MKRN2OS: variants seen among roughly 807,000 people sequenced by gnomAD.
MKRN2OS encodes MKRN2 opposite strand, also known as MKRN2 opposite strand protein.
In MKRN2OS, 17 loss-of-function variants were observed where a neutral mutation model predicts 18.2. That is an observed-to-expected ratio of 0.93 (90% CI 0.64 to 1.40). The LOEUF is 1.40. Ranked by LOEUF, MKRN2OS falls within the 40% of genes most tolerant of loss-of-function variation. The pLI, the probability that MKRN2OS is intolerant of heterozygous loss-of-function variation, is 0.00. For synonymous variants in MKRN2OS, 121 were observed against 108.5 expected, an observed-to-expected ratio of 1.12 and a Z score of -0.72; for missense variants, 337 against 283.0, an observed-to-expected ratio of 1.19 and a Z score of -1.37.
chr3:12,554,507 A>AAT lies in MKRN2OS; in HGVS notation n.265-375_265-374dup, dbSNP rs1373149360. ...ATATGAAATATATATGAAATATAAA[A>AAT]ATATATATATATATTGCCCATGACA... On this transcript the variant is annotated intron_variant and non_coding_transcript_variant, in intron 1 of 1. Transcript: ENST00000447550. Among the ~76,000 whole-genome samples the AAT allele has an allele frequency of 4.1e-3, 617 of 149,850 alleles. 3 individuals carry two copies. The highest frequency in any genetic ancestry group is 7.1e-3 in the Middle Eastern group (2 of 280).
exon 2 of MKRN2OS, chr3:12,553,848 C>T (rs2125295236): frequency 6.6e-6 from 1 of 152,228 alleles, no homozygotes; most frequent in South Asian, 2.1e-4. Context: ...TACAAAGATC[C>T]AGTGTATTTC....
At chr3:12,550,118 C>T (rs527795879), upstream of MKRN2OS, among the ~76,000 whole-genome samples, 2 of 152,266 alleles carry the variant, frequency 1.3e-5, no homozygotes, top group South Asian at 2.1e-4. Flanking sequence ...TGAAAACCTA[C>T]GTCCACACAA....
At chr3:12,556,403 TGCTAGGTAGAAGG>T (rs2057971405) in intron 1 of MKRN2OS, among the ~76,000 whole-genome samples, 1 of 151,340 alleles carries the variant, frequency 6.6e-6, no homozygotes, top group Admixed American at 6.6e-5. Context: ...TATCGCATGG[TGCTAGGTAGAAGG>T]GACGGTGGAA....
downstream of MKRN2OS, among the ~76,000 whole-genome samples, chr3:12,553,607 A>G (rs1268059854): frequency 1.1e-4 from 16 of 152,100 alleles, 1 homozygote; most frequent in Non-Finnish European, 2.9e-5. Context: ...TGAATCCAGG[A>G]ACAAAATAAG....
rs370905105 is a variant in MKRN2OS at position 12,557,030 on chromosome 3, C to T, written n.265-2896G>A. 3,708 of 1,090,088 alleles carry T rather than the reference C, an allele frequency of 3.4e-3. 48 individuals are homozygous for T. The highest frequency in any genetic ancestry group is 0.023 in the South Asian group (786 of 33,658). 67.5% of individuals were successfully genotyped at this position (1,090,088 alleles called of 1,614,324 possible). ...CAAAGGTGCCACACCGGAGGGGCGG[C>T]GTGCGCCGGCGTGCGCCGGCGTGAC... is the stretch of plus-strand genomic sequence containing the variant. On this transcript the variant is annotated intron_variant and non_coding_transcript_variant, in intron 1 of 1. Transcript: ENST00000447550.
rs949581109 is a variant in MKRN2OS, at chr3:12,539,838, T to G, written c.*355A>C. On this transcript the variant is annotated 3_prime_UTR_variant, in exon 4 of 4. Transcript: ENST00000564146. ...TTCACTCTTGTTGCCCAGGCTGGAG[T>G]GCAATGGCACGATCTCAACTCATCC... The G allele has an allele frequency of 1.3e-5, 3 of 233,838 alleles. No homozygotes were observed. The South Asian group carries it at 2.3e-4, about 18-fold the overall frequency. 14.5% of individuals were successfully genotyped at this position (233,838 alleles called of 1,614,324 possible). A position where few individuals can be genotyped will look rare whatever the true frequency, so the allele number is the denominator to read the frequency against.
At chr3:12,545,530 G>A (rs2057874650), upstream of MKRN2OS, 2 of 1,236,194 alleles carry the variant, frequency 1.6e-6, no homozygotes, top group South Asian at 1.5e-5. Context: ...TATACACCTG[G>A]CGAATGCACA....
chr3:12,549,560 T>A (rs967431382), upstream of MKRN2OS, among the ~76,000 whole-genome samples: 1 of 152,056 alleles, frequency 6.6e-6, no homozygotes, highest in Non-Finnish European at 1.5e-5. Context: ...TTTTATTTTA[T>A]TTTTTGAGAC....
chr3:12,552,408 TTTTTAA>T (rs2057936048), downstream of MKRN2OS, among the ~76,000 whole-genome samples: 5 of 129,398 alleles, frequency 3.9e-5, no homozygotes, highest in Non-Finnish European at 7.9e-5. Context: ...TTTTTTTTAA[TTTTTAA>T]TTTTTTTTTT....
chr3:12,556,849 G>C (rs1386743667), intron 1 of MKRN2OS, among the ~76,000 whole-genome samples: 3 of 152,162 alleles, frequency 2.0e-5, no homozygotes, highest in African/African-American at 7.2e-5. Context: ...ACTAACAGTA[G>C]GCATCGGGAT....
chr3:12,540,591 A>G (rs750801645), intron 3 of MKRN2OS, among the ~76,000 whole-genome samples, 158 bp from the exon 4 acceptor site: 1 of 151,840 alleles, frequency 6.6e-6, no homozygotes, highest in Non-Finnish European at 1.5e-5. Context: ...TGTGCACTTC[A>G]GGCCGGGTGC....
chr3:12,554,626 T>C lies in MKRN2OS; in HGVS notation n.265-492A>G, dbSNP rs2057953272. The stretch of plus-strand genomic sequence containing the variant: ...CACCAGCAGTACAAGGCTGATGAAA[T>C]AACTTATGGCATAGTCGTACAACGG... On this transcript the variant is annotated intron_variant and non_coding_transcript_variant, in intron 1 of 1. Coordinates refer to the MKRN2OS transcript ENST00000447550. 2.0e-5 allele frequency among the ~76,000 whole-genome samples: 3 copies of C among 152,152 alleles called. No homozygotes were observed. The South Asian group carries it at 6.2e-4, about 32-fold the overall frequency.
At chr3:12,554,167 A>G (rs2057949065) in intron 1 of MKRN2OS, 1 of 152,186 alleles carries the variant, frequency 6.6e-6, no homozygotes, top group Non-Finnish European at 1.5e-5. Flanking sequence ...GGTGGTTAGC[A>G]AGCAGACGCA....
chr3:12,543,080 T>C (rs1001421208), intron 2 of MKRN2OS, 100 bp downstream of exon 2: 2 of 959,192 alleles, frequency 2.1e-6, no homozygotes, highest in African/African-American at 1.6e-5. Context: ...CAGTGAACAA[T>C]GGAATCACTT....
Position 12,545,265 on chromosome 3 carries a change from G to A in MKRN2OS, c.200C>T (p.Thr67Ile), listed in dbSNP as rs916236144. ...ACTGTACCTAAGAAATGTCCCCTGA[G>A]TTGGTCTGAGGAGGAATGAACATTT... ...QEKCSFLLRP[T>I]QGTFLREYDG... The change falls in exon 1 of 4, where the codon ACT (threonine) becomes ATT (isoleucine). Residue 67 changes from threonine to isoleucine, a missense_variant. By Grantham distance (89) the Thr-to-Ile change is moderately conservative. Transcript: ENST00000564146. 13 of 1,535,174 alleles carry A rather than the reference G, an allele frequency of 8.5e-6. No homozygotes were observed. The African/African-American group carries it at 1.8e-4, about 21-fold the overall frequency.
At position 12,542,022 on chromosome 3, in the gene MKRN2OS, C is replaced by T; in HGVS notation, c.269G>A (p.Gly90Glu). 1 of 1,531,888 alleles carries T rather than the reference C, an allele frequency of 6.5e-7. No homozygotes were observed. Among genetic ancestry groups the T allele is most frequent in the Non-Finnish European group, 8.7e-7 (1 of 1,144,064 alleles). 94.9% of individuals were successfully genotyped at this position (1,531,888 alleles called of 1,614,324 possible). Residue 90 changes from glycine to glutamate, a missense_variant and splice_region_variant, in exon 3 of 4, where the codon GGG becomes GAG. Transcript: ENST00000564146. ...DLHVGITNTN[G>E]VVYNYSAHGV... ...ATGTGCACTGTAATTATACACAACC[C>T]CTGCAAATCAAAACCAAAGTCATGT... is the stretch of plus-strand genomic sequence containing the variant.
chr3:12,553,117 C>G (rs1379318917), downstream of MKRN2OS, among the ~76,000 whole-genome samples: 1 of 151,776 alleles, frequency 6.6e-6, no homozygotes. Context: ...AAATTAATAC[C>G]CATATTACAC....
At chr3:12,549,466 C>T (rs2057911386), upstream of MKRN2OS, among the ~76,000 whole-genome samples, 1 of 151,840 alleles carries the variant, frequency 6.6e-6, no homozygotes, top group Admixed American at 6.6e-5. Context: ...TGGTCTCAAA[C>T]TCCTGACCTC....
upstream of MKRN2OS, among the ~76,000 whole-genome samples, chr3:12,549,618 G>GC (rs1204254240): frequency 6.6e-6 from 1 of 152,148 alleles, no homozygotes; most frequent in Non-Finnish European, 1.5e-5. Context: ...TGCAATCAGT[G>GC]CTCATTGCAG....
Sources: gnomAD v4.1 joint callset for allele counts (sites outside exome capture counted in the v4.1 genomes callset) on GRCh38, gnomAD v4.1.1 for gene constraint, MANE v1.5 for transcripts, NCBI Gene and HGNC (gene_info 2026-07-23, HGNC 2026-07-21) for gene names.